Variants in FNDC3B observed in about 807,000 individuals in gnomAD.
The protein encoded by FNDC3B is fibronectin type III domain containing 3B.
FNDC3B carries 12 observed loss-of-function variants against 151.5 expected under a neutral mutation model. That is an observed-to-expected ratio of 0.08 (90% confidence interval 0.05 to 0.13). FNDC3B has a LOEUF of 0.13. Ranked by LOEUF, FNDC3B falls within the 10% of genes least tolerant of loss-of-function variation. FNDC3B has a pLI of 1.00. For missense variants in FNDC3B, 1,214 were observed against 1,505.3 expected (o/e 0.81, Z 3.20); for synonymous variants, 528 against 549.0 (o/e 0.96, Z 0.54).
intron 19 of FNDC3B, 121 bp from the exon 20 acceptor site, chr3:172,346,206 A>C (rs1733606817): frequency 2.1e-6 from 1 of 479,770 alleles, no homozygotes; most frequent in Non-Finnish European, 3.7e-6. Context: ...TTTGTTAATT[A>C]GTTGTGTTGA....
chr3:172,103,865 A>T (rs1278906369), intron 1 of FNDC3B, among the ~76,000 whole-genome samples: 2 of 152,200 alleles, frequency 1.3e-5, no homozygotes, highest in East Asian at 3.8e-4. Context: ...TTGTGCCTCA[A>T]CCAAGCAGCT....
At chr3:172,238,884 AT>A (rs1727309166) in intron 4 of FNDC3B, among the ~76,000 whole-genome samples, 1 of 152,184 alleles carries the variant, frequency 6.6e-6, no homozygotes, top group Admixed American at 6.5e-5. Flanking sequence ...AATCATGCTT[AT>A]TTAAAATAAG....
intron 3 of FNDC3B, among the ~76,000 whole-genome samples, chr3:172,197,444 C>T (rs1724896517): frequency 6.6e-6 from 1 of 152,192 alleles, no homozygotes; most frequent in Admixed American, 6.5e-5. Context: ...TGTTCATCTG[C>T]ATAACTACAA....
At chr3:172,185,162 A>T (rs1415231488) in intron 3 of FNDC3B, among the ~76,000 whole-genome samples, 1 of 152,170 alleles carries the variant, frequency 6.6e-6, no homozygotes, top group Non-Finnish European at 1.5e-5. Flanking sequence ...CCACTCCATC[A>T]TCCATTTGGT....
intron 6 of FNDC3B, among the ~76,000 whole-genome samples, chr3:172,253,414 G>T (rs923500270): frequency 4.6e-5 from 7 of 152,190 alleles, no homozygotes; most frequent in African/African-American, 1.4e-4. Flanking sequence ...CCATCAAGTG[G>T]CTCACAATGT....
chr3:172,213,591 T>C (rs1725835266), intron 3 of FNDC3B, among the ~76,000 whole-genome samples: 1 of 152,346 alleles, frequency 6.6e-6, no homozygotes, highest in South Asian at 2.1e-4. Context: ...GTGCTCATAC[T>C]CTTGCTTAAC....
intron 1 of FNDC3B, among the ~76,000 whole-genome samples, chr3:172,071,479 G>A (rs1272081596): frequency 6.6e-6 from 1 of 152,108 alleles, no homozygotes; most frequent in African/African-American, 2.4e-5. Flanking sequence ...AATTTAGCCT[G>A]ACTTGGAAAA....
chr3:172,345,890 A>G (rs73167281), intron 19 of FNDC3B: 15,131 of 152,498 alleles, frequency 0.099, 911 homozygotes, highest in African/African-American at 0.16. Flanking sequence ...AATACCGGTA[A>G]CTAGAAGAAA....
intron 6 of FNDC3B, among the ~76,000 whole-genome samples, chr3:172,278,341 A>G (rs570051124): frequency 6.6e-6 from 1 of 152,302 alleles, no homozygotes; most frequent in African/African-American, 2.4e-5. Context: ...ATGAACTTTA[A>G]TTACCTTTGT....
intron 4 of FNDC3B, among the ~76,000 whole-genome samples, chr3:172,243,594 AC>A (rs1266780977): frequency 6.6e-6 from 1 of 151,978 alleles, no homozygotes; most frequent in Non-Finnish European, 1.5e-5. Context: ...TGATTCAATT[AC>A]CTCCCACCCA....
At chr3:172,304,234 C>T (rs80264248) in intron 9 of FNDC3B, among the ~76,000 whole-genome samples, 15,762 of 152,274 alleles carry the variant, frequency 0.1, 914 homozygotes, top group Middle Eastern at 0.18. Flanking sequence ...CCAAATTTAC[C>T]TTTCCCCAGA....
chr3:172,043,319 T>C (rs886396905), intron 1 of FNDC3B, among the ~76,000 whole-genome samples: 58 of 152,082 alleles, frequency 3.8e-4, no homozygotes, highest in South Asian at 6.2e-4. Flanking sequence ...CTCCCAAATC[T>C]TTCACATGTA....
chr3:172,350,088 A>G (rs1038770629), intron 21 of FNDC3B, among the ~76,000 whole-genome samples: 4 of 152,262 alleles, frequency 2.6e-5, no homozygotes, highest in African/African-American at 7.2e-5. Flanking sequence ...GTATAAAAGT[A>G]GTACACAATA....
Position 172,093,055 on chromosome 3 carries a change from C to T in FNDC3B, c.-28-19397C>T, listed in dbSNP as rs186369837. ...CTGGTCTTGAACTACTGGGCTCAAGCGATCCTCCCACCTTGGCCTCCCAAA... is the reference window on the plus strand; with the variant it reads ...CTGGTCTTGAACTACTGGGCTCAAGTGATCCTCCCACCTTGGCCTCCCAAA... On this transcript the variant is annotated intron_variant, in intron 1 of 25. Transcript: ENST00000415807. Among the ~76,000 whole-genome samples the T allele has an allele frequency of 2.1e-4, 32 of 151,912 alleles. No homozygotes were observed. The East Asian group carries it at 3.5e-3, about 17-fold the overall frequency.
intron 11 of FNDC3B, among the ~76,000 whole-genome samples, chr3:172,323,464 G>A (rs1019055014): frequency 6.6e-6 from 1 of 152,148 alleles, no homozygotes; most frequent in Non-Finnish European, 1.5e-5. Context: ...GTGAGCTATG[G>A]TCTGTTTGTA....
In FNDC3B at chr3:172,169,396, A is replaced by G. The variant is rs116061575; in HGVS notation, c.187+35850A>G. Reference sequence around the variant, plus strand: ...GTATGTTTGGTAGTGGAGGCATCGGACAGTGTAGTCAGTAACAAGATACTA... The same window carrying G: ...GTATGTTTGGTAGTGGAGGCATCGGGCAGTGTAGTCAGTAACAAGATACTA... On this transcript the variant is annotated intron_variant, in intron 3 of 25. Transcript: ENST00000415807. 2.6e-3 allele frequency among the ~76,000 whole-genome samples: 390 copies of G among 152,328 alleles called. 2 individuals carry two copies. Among genetic ancestry groups the G allele is most frequent in the African/African-American group, 8.9e-3 (368 of 41,576 alleles).
intron 3 of FNDC3B, among the ~76,000 whole-genome samples, chr3:172,138,640 T>TA (rs1437181713): frequency 1.3e-5 from 2 of 152,226 alleles, no homozygotes; most frequent in East Asian, 1.9e-4. Flanking sequence ...GTGATGGTGA[T>TA]AAAAAATACT....
At chr3:172,225,105 C>T (rs535375733) in intron 3 of FNDC3B, among the ~76,000 whole-genome samples, 2 of 152,328 alleles carry the variant, frequency 1.3e-5, no homozygotes, top group South Asian at 4.1e-4. Flanking sequence ...ATGTAATTAA[C>T]ATTCATTGAA....
At chr3:172,293,114 A>G (rs1245201112) in intron 7 of FNDC3B, among the ~76,000 whole-genome samples, 1 of 152,328 alleles carries the variant, frequency 6.6e-6, no homozygotes, top group East Asian at 1.9e-4. Context: ...GCCAAAGATC[A>G]TACCTTAATC....
Sources: allele counts gnomAD v4.1 joint callset (sites outside exome capture counted in the v4.1 genomes callset), GRCh38; gene constraint gnomAD v4.1.1; transcripts MANE v1.5; gene names NCBI Gene and HGNC (gene_info 2026-07-23, HGNC 2026-07-21).